The following CHN1 variants were observed in gnomAD, a reference collection of about 807,000 sequenced individuals.
CHN1 encodes the protein chimerin 1, also known as N-chimaerin.
A neutral mutation model predicts 59.5 loss-of-function variants in CHN1; 37 were observed. That is an observed-to-expected ratio of 0.62 (90% confidence interval 0.48 to 0.82). CHN1 has a LOEUF of 0.82. CHN1 is among the 40% of genes least tolerant of loss of function. CHN1 has a pLI of 0.00. For missense variants in CHN1, 469 were observed against 571.0 expected (o/e 0.82, Z 1.82); for synonymous variants, 206 against 200.4 (o/e 1.03, Z -0.24).
At chr2:174,937,432 C>T (rs1054295191) in intron 3 of CHN1, among the ~76,000 whole-genome samples, 79 of 152,208 alleles carry the variant, frequency 5.2e-4, no homozygotes, top group Non-Finnish European at 2.5e-4. Flanking sequence ...AGCATAATTC[C>T]GAAAGACAAA....
rs772694741 is a variant in CHN1 at position 174,812,516 on chromosome 2, A to G, written c.713-34T>C. ...AGAATAAAGAAAGGAAACATTCAAT[A>G]TTATTTTCAGAGTTTTGAGCATTCT... On this transcript the variant is annotated intron_variant, in intron 8 of 12. Transcript: ENST00000409900. The G allele has an allele frequency of 9.3e-6, 15 of 1,609,242 alleles. No homozygotes were observed. The Admixed American group carries it at 2.5e-4, about 27-fold the overall frequency.
intron 8 of CHN1, among the ~76,000 whole-genome samples, chr2:174,822,984 G>A (rs1379306728): frequency 6.6e-6 from 1 of 152,178 alleles, no homozygotes; most frequent in Non-Finnish European, 1.5e-5. Flanking sequence ...TTACATTTTA[G>A]TGATACTAAG....
intron 5 of CHN1, among the ~76,000 whole-genome samples, chr2:174,901,332 T>C (rs2105356700): frequency 6.6e-6 from 1 of 152,310 alleles, no homozygotes; most frequent in East Asian, 1.9e-4. Flanking sequence ...AGGTTCTTTC[T>C]CTTTGCCCTC....
chr2:175,002,693 A>C (rs752555738), intron 1 of CHN1, among the ~76,000 whole-genome samples: 21 of 152,166 alleles, frequency 1.4e-4, no homozygotes, highest in Non-Finnish European at 2.6e-4. Context: ...GGCAGTCGTT[A>C]CTCTGGGGAG....
intron 1 of CHN1, among the ~76,000 whole-genome samples, chr2:174,958,159 G>A (rs1045797337): frequency 2.4e-5 from 3 of 124,624 alleles, no homozygotes; most frequent in Non-Finnish European, 3.2e-5. Context: ...AGGAAGGAAG[G>A]ACAGGAGGAG....
intron 1 of CHN1, among the ~76,000 whole-genome samples, chr2:174,979,652 G>T (rs1270237087): frequency 1.3e-5 from 2 of 152,026 alleles, no homozygotes; most frequent in Non-Finnish European, 2.9e-5. Context: ...ATCTCTACTG[G>T]CGGGTGGATC....
rs1574196401 is a variant in CHN1 at position 174,944,954 on chromosome 2, G to A, written c.59-11C>T. On this transcript the variant is annotated splice_polypyrimidine_tract_variant and intron_variant, in intron 2 of 12. Transcript: ENST00000409900. ...GTTGTAGCTGATATACTGTGAGAAG[G>A]TAGAAACAAAAAGTGTCAATGTCCC... The A allele has an allele frequency of 6.4e-7, 1 of 1,561,290 alleles. No homozygotes were observed. The highest frequency in any genetic ancestry group is 8.7e-7 in the Non-Finnish European group (1 of 1,150,322).
At chr2:174,864,281 T>C (rs1044710173) in intron 6 of CHN1, among the ~76,000 whole-genome samples, 3 of 152,200 alleles carry the variant, frequency 2.0e-5, no homozygotes, top group Admixed American at 1.3e-4. Context: ...CAGAGGTCTT[T>C]TGTCAGTTTC....
intron 4 of CHN1, 197 bp from the exon 5 acceptor site, chr2:174,915,368 TAAG>T: frequency 3.5e-6 from 2 of 574,992 alleles, no homozygotes; most frequent in Non-Finnish European, 3.1e-6. Flanking sequence ...TCTGTGGTGA[TAAG>T]AACAGCACCA....
rs550479147 is a variant in CHN1 at position 174,812,545 on chromosome 2, G to A, written c.713-63C>T. On this transcript the variant is annotated intron_variant, in intron 8 of 12. Transcript: ENST00000409900. ...TTTTCAGAGTTTTGAGCATTCTGGAGTGTTAATTTTAGCAAAAGGCACTCC... is the reference window on the plus strand; with the variant it reads ...TTTTCAGAGTTTTGAGCATTCTGGAATGTTAATTTTAGCAAAAGGCACTCC... 6.5e-5 allele frequency: 101 copies of A among 1,554,370 alleles called. No individual in the cohort carries two copies. In the East Asian group the frequency reaches 1.6e-3, roughly 25 times the overall value.
rs1263131300 is a variant in CHN1, at chr2:174,799,700, G to A, written c.*416C>T. 15 of 534,384 alleles carry A rather than the reference G, an allele frequency of 2.8e-5. No homozygotes were observed. In the East Asian group the frequency reaches 5.9e-4, roughly 21 times the overall value. 33.1% of individuals were successfully genotyped at this position (534,384 alleles called of 1,614,324 possible). A position where few individuals can be genotyped will look rare whatever the true frequency, so the allele number is the denominator to read the frequency against. On this transcript the variant is annotated 3_prime_UTR_variant, in exon 13 of 13. Transcript: ENST00000409900. ...TTTATCCATTTGTGTGTGCGTGTTT[G>A]TACAAGCATCAGAAACCAATGACAT... is the stretch of plus-strand genomic sequence containing the variant.
chr2:174,807,806 A>G (rs1684946988), intron 11 of CHN1, among the ~76,000 whole-genome samples: 1 of 152,192 alleles, frequency 6.6e-6, no homozygotes, highest in African/African-American at 2.4e-5. Context: ...TAGAACAAAG[A>G]AAGATTGTAC....
At chr2:174,849,083 T>C (rs1170178400) in intron 6 of CHN1, among the ~76,000 whole-genome samples, 5 of 152,172 alleles carry the variant, frequency 3.3e-5, no homozygotes, top group African/African-American at 1.2e-4. Context: ...TCTTCAACAA[T>C]ATTTGATATC....
chr2:174,892,264 T>C (rs1688076663), intron 5 of CHN1, among the ~76,000 whole-genome samples: 1 of 152,238 alleles, frequency 6.6e-6, no homozygotes, highest in South Asian at 2.1e-4. Context: ...GCAAAATTAA[T>C]GTTGAAACTT....
At chr2:174,851,589 C>T (rs1686731850) in intron 6 of CHN1, among the ~76,000 whole-genome samples, 1 of 152,160 alleles carries the variant, frequency 6.6e-6, no homozygotes, top group African/African-American at 2.4e-5. Flanking sequence ...GTGATCCTGC[C>T]CATCTTGACA....
chr2:174,951,095 T>C (rs1690013503), intron 2 of CHN1, among the ~76,000 whole-genome samples: 1 of 152,192 alleles, frequency 6.6e-6, no homozygotes, highest in Non-Finnish European at 1.5e-5. Flanking sequence ...GAATTTTAAA[T>C]AGGCTTCCAG....
intron 5 of CHN1, among the ~76,000 whole-genome samples, chr2:174,908,863 G>A (rs892696600): frequency 6.6e-6 from 1 of 151,812 alleles, no homozygotes; most frequent in Non-Finnish European, 1.5e-5. Flanking sequence ...AAATATTTTT[G>A]GATATTAATA....
chr2:174,836,568 T>G lies in CHN1; in HGVS notation c.627+10312A>C, dbSNP rs142999444. ...ACCCAGCAAAGTGTTACATTAACAC[T>G]GTCATATTCAGTAGGCTGTTCACTA... On this transcript the variant is annotated intron_variant, in intron 7 of 12. Transcript: ENST00000409900. 1.9e-3 allele frequency among the ~76,000 whole-genome samples: 296 copies of G among 152,370 alleles called. 1 individual carries two copies. Among genetic ancestry groups the G allele is most frequent in the Middle Eastern group, 3.4e-3 (1 of 294 alleles).
intron 1 of CHN1, among the ~76,000 whole-genome samples, chr2:174,963,954 A>C (rs1003073306): frequency 6.6e-6 from 1 of 152,258 alleles, no homozygotes; most frequent in African/African-American, 2.4e-5. Flanking sequence ...GTAAAAACAT[A>C]AACAAATCCA....
Sources: allele counts gnomAD v4.1 joint callset (sites outside exome capture counted in the v4.1 genomes callset), GRCh38; gene constraint gnomAD v4.1.1; transcripts MANE v1.5; gene names NCBI Gene and HGNC (gene_info 2026-07-23, HGNC 2026-07-21).